GLIS2: variants seen among roughly 807,000 people sequenced by gnomAD.
GLIS2 encodes the protein GLIS family zinc finger 2.
A neutral mutation model predicts 35.6 loss-of-function variants in GLIS2; 14 were observed. That is an observed-to-expected ratio of 0.39 (90% CI 0.26 to 0.61). GLIS2 has a LOEUF of 0.61. Ranked by LOEUF, GLIS2 falls within the 20% of genes least tolerant of loss-of-function variation. The pLI, the probability that GLIS2 is intolerant of heterozygous loss-of-function variation, is 0.48. For synonymous variants in GLIS2, 368 were observed against 325.1 expected (o/e 1.13, Z -1.42); for missense variants, 675 against 713.4 (o/e 0.95, Z 0.61).
chr16:4,336,947 C>T lies in GLIS2; in HGVS notation c.998C>T (p.Pro333Leu), dbSNP rs746287094. 3.0e-5 allele frequency: 49 copies of T among 1,610,722 alleles called. No homozygotes were observed. The highest frequency in any genetic ancestry group is 3.9e-5 in the Non-Finnish European group (46 of 1,179,410). ...CAGCAAGAGCTCCTGCAGCTGCGCC[C>T]ACCCCCCAAGCCGCCACTGCCCGCC... ...HEQQELLQLR[P>L]PPKPPLPAPD... The change falls in exon 7 of 7, where the codon CCA (proline) becomes CTA (leucine). Residue 333 changes from proline (P) to leucine (L), a missense_variant. Pro to Leu is a moderately conservative substitution (Grantham distance 98). Coordinates refer to ENST00000433375, the MANE Select transcript of GLIS2 (RefSeq NM_032575.3).
intron 1 of GLIS2, among the ~76,000 whole-genome samples, chr16:4,319,798 G>T (rs2053357407): frequency 6.6e-6 from 1 of 152,204 alleles, no homozygotes; most frequent in African/African-American, 2.4e-5. Context: ...AGGAGACCCA[G>T]GTTTCTCTCC....
At chr16:4,333,291 C>A in intron 2 of GLIS2, 56 bp from the exon 3 acceptor site, 1 of 1,599,448 alleles carries the variant, frequency 6.3e-7, no homozygotes, top group Non-Finnish European at 8.5e-7. Context: ...GGCAGGAGTA[C>A]CTGGCCCACT....
rs911867396 is a variant in GLIS2, at chr16:4,331,022, G to A, written c.-66-1193G>A. 7.2e-5 allele frequency among the ~76,000 whole-genome samples: 11 copies of A among 152,330 alleles called. No individual in the cohort carries two copies. The East Asian group carries it at 1.7e-3, about 24-fold the overall frequency. On this transcript the variant is annotated intron_variant, in intron 1 of 6. Coordinates refer to ENST00000433375, the MANE Select transcript of GLIS2 (RefSeq NM_032575.3). Reference sequence around the variant, plus strand: ...GACGGAGTCTTGCTCTGTCGCCCAGGCTGGAGTGCAGTGGTGCGATCTCGG... The same window carrying A: ...GACGGAGTCTTGCTCTGTCGCCCAGACTGGAGTGCAGTGGTGCGATCTCGG...
intron 1 of GLIS2, among the ~76,000 whole-genome samples, chr16:4,330,370 T>TA (rs900519800): frequency 2.8e-4 from 42 of 152,240 alleles, no homozygotes; most frequent in African/African-American, 1.0e-3. Context: ...CCATCTCCAG[T>TA]AAAAAATAAT....
At position 4,337,775 on chromosome 16, in the gene GLIS2, C is replaced by CCTGG; in HGVS notation, c.*253_*256dup. On this transcript the variant is annotated 3_prime_UTR_variant, in exon 7 of 7. Transcript: ENST00000433375. Reference sequence around the variant, plus strand: ...CCTCGCTCCTGTCTGTCCCCCACCACCTGGCCCTCAGCTTCTGAGAGGCTT... The same window carrying CCTGG: ...CCTCGCTCCTGTCTGTCCCCCACCACCTGGCTGGCCCTCAGCTTCTGAGAGGCTT... The CCTGG allele has an allele frequency of 1.7e-6, 1 of 603,094 alleles. No homozygotes were observed. Among genetic ancestry groups the CCTGG allele is most frequent in the South Asian group, 1.9e-5 (1 of 51,398 alleles). 37.4% of individuals were successfully genotyped at this position (603,094 alleles called of 1,614,324 possible).
upstream of GLIS2, among the ~76,000 whole-genome samples, chr16:4,315,887 G>A (rs1395582056): frequency 1.3e-5 from 2 of 148,826 alleles, no homozygotes; most frequent in Admixed American, 6.6e-5. Flanking sequence ...CGGTGAGAGG[G>A]GTTTTGCTGG....
In GLIS2 at chr16:4,336,910, G is replaced by A. The variant is rs2053557836; in HGVS notation, c.961G>A (p.Val321Met). Reference protein sequence around the residue: ...RKHIKAHGHFVSHEQQELLQL... With the variant: ...RKHIKAHGHFMSHEQQELLQL... ...GCACATCAAGGCCCATGGCCACTTT[G>A]TGTCCCACGAGCAGCAAGAGCTCCT... is the stretch of plus-strand genomic sequence containing the variant. Residue 321 changes from valine to methionine, a missense_variant, in exon 7 of 7, where the codon GTG becomes ATG. Val to Met is a conservative substitution (Grantham distance 21, BLOSUM62 1). This residue lies in a region of GLIS2 where 317 missense variants were observed against 283.2 expected (regional missense o/e 1.12). Coordinates refer to ENST00000433375, the MANE Select transcript of GLIS2 (RefSeq NM_032575.3). 2 of 1,612,886 alleles carry A rather than the reference G, an allele frequency of 1.2e-6. No individual in the cohort carries two copies. The highest frequency in any genetic ancestry group is 1.1e-5 in the South Asian group (1 of 91,086).
Position 4,337,369 on chromosome 16 carries a change from C to G in GLIS2, c.1420C>G (p.Arg474Gly). ...TGAAAGGACGGAGAGCAGCTGCTCCCGGCCAAGCCCCGATGGACTCCCCCT... is the reference window on the plus strand; with the variant it reads ...TGAAAGGACGGAGAGCAGCTGCTCCGGGCCAAGCCCCGATGGACTCCCCCT... The part of the protein sequence containing the change: ...PLERTESSCS[R>G]PSPDGLPLLP... The change falls in exon 7 of 7, where the codon CGG (arginine) becomes GGG (glycine). Residue 474 changes from arginine (R) to glycine (G), a missense_variant. Around this residue, in one of 3 missense-constraint regions of GLIS2, gnomAD observed 317 missense variants for 283.2 expected, o/e 1.12. Transcript: ENST00000433375. The G allele has an allele frequency of 6.3e-7, 1 of 1,592,934 alleles. No individual in the cohort carries two copies.
chr16:4,331,973 A>G (rs571044924), intron 1 of GLIS2, among the ~76,000 whole-genome samples: 35 of 152,266 alleles, frequency 2.3e-4, no homozygotes, highest in African/African-American at 8.4e-4. Context: ...GTTTCATGGC[A>G]AAATGAAGAA....
In GLIS2 at chr16:4,335,466, G is replaced by C; in HGVS notation, c.775+73G>C. 1 of 1,310,880 alleles carries C rather than the reference G, an allele frequency of 7.6e-7. No individual in the cohort carries two copies. The highest frequency in any genetic ancestry group is 1.1e-6 in the Non-Finnish European group (1 of 908,138). 81.2% of individuals were successfully genotyped at this position (1,310,880 alleles called of 1,614,324 possible). On this transcript the variant is annotated intron_variant, in intron 6 of 6. Coordinates refer to ENST00000433375, the MANE Select transcript of GLIS2 (RefSeq NM_032575.3). This position sits in a 1 kb window ranked among gnomAD's most constrained non-coding sequence, Gnocchi z 4.6. ...CTGAGACCGGCTGGGCAGGTCCCCA[G>C]GGGGAGGGGACTGTTAAGTAAATCC...
Position 4,337,036 on chromosome 16 carries a change from G to A in GLIS2, c.1087G>A (p.Gly363Arg), listed in dbSNP as rs774339298. Residue 363 changes from glycine to arginine, a missense_variant, in exon 7 of 7, where the codon GGA (glycine) becomes AGA (arginine). Gly to Arg is a moderately radical substitution (Grantham distance 125). Around this residue, in one of 3 missense-constraint regions of GLIS2, gnomAD observed 317 missense variants for 283.2 expected, o/e 1.12. Transcript: ENST00000433375. ...CATCCCCAACCCAGCTGCCCTCTTT[G>A]GAGGCCCTGGCCTGCCCGGCTTACC... Reference protein sequence around the residue: ...IIIPNPAALFGGPGLPGLPLP... With the variant: ...IIIPNPAALFRGPGLPGLPLP... 3 of 1,591,300 alleles carry A rather than the reference G, an allele frequency of 1.9e-6. No homozygotes were observed. The highest frequency in any genetic ancestry group is 1.3e-5 in the African/African-American group (1 of 74,430).
intron 1 of GLIS2, among the ~76,000 whole-genome samples, chr16:4,318,579 A>G (rs1259739919): frequency 2.6e-5 from 4 of 152,198 alleles, no homozygotes; most frequent in Admixed American, 2.6e-4. Context: ...CCTTGCAGGG[A>G]GGACAAGTAG....
intron 1 of GLIS2, among the ~76,000 whole-genome samples, chr16:4,319,707 C>T (rs2053356269): frequency 6.6e-6 from 1 of 151,764 alleles, no homozygotes. Flanking sequence ...GGGGGGCCAG[C>T]GTGGGGGCAC....
At position 4,337,581 on chromosome 16, in the gene GLIS2, C is replaced by T. The variant is rs1314047761; in HGVS notation, c.*57C>T. 1.8e-5 allele frequency: 27 copies of T among 1,533,658 alleles called. No homozygotes were observed. The highest frequency in any genetic ancestry group is 8.3e-5 in the South Asian group (7 of 84,054). On this transcript the variant is annotated 3_prime_UTR_variant, in exon 7 of 7. Transcript: ENST00000433375. ...CGGCAGCTCCCGGCACTGCCCCCGA[C>T]GAACGGAAACTCTTCTGTGAAATAG... is the stretch of plus-strand genomic sequence containing the variant.
At chr16:4,315,008 G>C (rs910873906), upstream of GLIS2, 7 of 152,392 alleles carry the variant, frequency 4.6e-5, no homozygotes, top group African/African-American at 1.4e-4. Context: ...CAGCTGGGCC[G>C]GGTGCGGGGC....
Position 4,335,027 on chromosome 16 carries a change from G to C in GLIS2, c.523-33G>C. On this transcript the variant is annotated intron_variant, in intron 4 of 6. Coordinates refer to ENST00000433375, the MANE Select transcript of GLIS2 (RefSeq NM_032575.3). This position sits in a 1 kb window ranked among gnomAD's most constrained non-coding sequence, Gnocchi z 4.6. ...TGTGGAGTCTGGGGCAGGTCACCCC[G>C]CATGGGCTCAGAACACTTCCCATCC... The C allele has an allele frequency of 1.2e-6, 2 of 1,613,222 alleles. No individual in the cohort carries two copies. The highest frequency in any genetic ancestry group is 1.7e-6 in the Non-Finnish European group (2 of 1,180,016).
intron 1 of GLIS2, among the ~76,000 whole-genome samples, chr16:4,322,526 C>T (rs995428250): frequency 2.6e-5 from 4 of 152,112 alleles, no homozygotes; most frequent in South Asian, 2.1e-4. Context: ...GCATGCTGAC[C>T]GGGCGCCGAC....
chr16:4,337,572 TGCC>T lies in GLIS2; in HGVS notation c.*49_*51del. 1 of 1,536,932 alleles carries T rather than the reference TGCC, an allele frequency of 6.5e-7. No homozygotes were observed. Among genetic ancestry groups the T allele is most frequent in the Non-Finnish European group, 8.7e-7 (1 of 1,146,898 alleles). On this transcript the variant is annotated 3_prime_UTR_variant, in exon 7 of 7. Transcript: ENST00000433375. ...GTGCCCCCCCGGCAGCTCCCGGCAC[TGCC>T]CCCGACGAACGGAAACTCTTCTGTG...
intron 2 of GLIS2, 38 bp from the exon 3 acceptor site, chr16:4,333,309 T>C (rs745642912): frequency 3.0e-5 from 48 of 1,611,074 alleles, no homozygotes; most frequent in Middle Eastern, 1.6e-4. Flanking sequence ...ACTGGGACTC[T>C]ACACTCCAGC....
Sources: allele counts gnomAD v4.1 joint callset (sites outside exome capture counted in the v4.1 genomes callset), GRCh38; gene constraint gnomAD v4.1.1; regional missense constraint gnomAD v4.1.1; non-coding constraint Gnocchi (gnomAD v3.1); transcripts MANE v1.5; gene names NCBI Gene and HGNC (gene_info 2026-07-23, HGNC 2026-07-21).